The following HECW1 variants were observed in gnomAD, a reference collection of about 807,000 sequenced individuals.
HECW1 encodes HECT, C2 and WW domain containing E3 ubiquitin protein ligase 1, also known as E3 ubiquitin-protein ligase HECW1.
Under a neutral mutation model 182.3 loss-of-function variants are expected in HECW1, and 61 were observed. The observed-to-expected ratio is 0.33, with a 90% CI of 0.27 to 0.41. The LOEUF (loss-of-function observed/expected upper bound fraction) is 0.41, where lower values mean the gene tolerates loss of function less well. Among genes scored for constraint, HECW1 ranks in the 10% least tolerant of loss-of-function variants. The pLI is 1.00. For missense variants in HECW1, 1,739 were observed against 2,108.9 expected (o/e 0.82, Z 3.44); for synonymous variants, 859 against 832.6 (o/e 1.03, Z -0.55).
intron 24 of HECW1, among the ~76,000 whole-genome samples, chr7:43,521,212 A>G (rs2080457532): frequency 6.6e-6 from 1 of 152,358 alleles, no homozygotes; most frequent in African/African-American, 2.4e-5. Flanking sequence ...AGAAGTGATT[A>G]AACGATGAGG....
chr7:43,512,644 T>G (rs1260258006), intron 24 of HECW1, among the ~76,000 whole-genome samples: 3 of 152,226 alleles, frequency 2.0e-5, no homozygotes, highest in Non-Finnish European at 4.4e-5. Flanking sequence ...GGACTAGAGT[T>G]TTCCTTTAAC....
intron 3 of HECW1, among the ~76,000 whole-genome samples, chr7:43,307,871 T>C (rs1328123182): frequency 3.2e-5 from 3 of 93,632 alleles, no homozygotes; most frequent in Middle Eastern, 9.1e-3. Context: ...GTGGTAATCA[T>C]TTCACTATAT....
intron 5 of HECW1, among the ~76,000 whole-genome samples, chr7:43,355,920 C>T (rs1489339803): frequency 1.3e-5 from 2 of 151,958 alleles, no homozygotes; most frequent in African/African-American, 2.4e-5. Flanking sequence ...ACACAGGAGG[C>T]GGAGGTTGCA....
At chr7:43,426,863 T>G (rs1442900773) in intron 8 of HECW1, among the ~76,000 whole-genome samples, 2 of 152,138 alleles carry the variant, frequency 1.3e-5, no homozygotes, top group Non-Finnish European at 2.9e-5. Flanking sequence ...TGCTTTCTAT[T>G]TATTTTCAGA....
At chr7:43,443,162 G>A (rs750210507) in intron 10 of HECW1, among the ~76,000 whole-genome samples, 1 of 152,132 alleles carries the variant, frequency 6.6e-6, no homozygotes, top group Non-Finnish European at 1.5e-5. Context: ...TTCAAAATAC[G>A]AATGATAAGA....
chr7:43,271,800 A>G (rs910891385), intron 3 of HECW1, among the ~76,000 whole-genome samples: 1 of 152,174 alleles, frequency 6.6e-6, no homozygotes, highest in African/African-American at 2.4e-5. Context: ...ATACAACACT[A>G]TTCTTATCAA....
intron 2 of HECW1, among the ~76,000 whole-genome samples, chr7:43,150,317 A>T (rs1160691760): frequency 6.6e-6 from 1 of 152,154 alleles, no homozygotes; most frequent in Non-Finnish European, 1.5e-5. Flanking sequence ...TGACCAATTG[A>T]TTTCAGTTAG....
At chr7:43,329,435 T>C (rs550351750) in intron 5 of HECW1, among the ~76,000 whole-genome samples, 60 of 151,728 alleles carry the variant, frequency 4.0e-4, no homozygotes, top group African/African-American at 1.4e-3. Flanking sequence ...ACCAAGAAAC[T>C]ATGGCATAAA....
intron 3 of HECW1, among the ~76,000 whole-genome samples, chr7:43,250,150 C>T (rs1799877944): frequency 7.0e-6 from 1 of 142,466 alleles, no homozygotes; most frequent in Non-Finnish European, 1.6e-5. Context: ...CACACACATA[C>T]ACACACACAC....
chr7:43,522,876 A>G (rs2080560016), intron 24 of HECW1, among the ~76,000 whole-genome samples: 1 of 152,220 alleles, frequency 6.6e-6, no homozygotes, highest in African/African-American at 2.4e-5. Flanking sequence ...AGGGAGCTGC[A>G]GAGAATCAAA....
At chr7:43,157,476 C>T (rs1462270014) in intron 2 of HECW1, among the ~76,000 whole-genome samples, 2 of 152,164 alleles carry the variant, frequency 1.3e-5, no homozygotes, top group Admixed American at 1.3e-4. Context: ...TTGCTGTACT[C>T]ATAGAATAAT....
chr7:43,501,968 G>A (rs1162415633), intron 21 of HECW1, among the ~76,000 whole-genome samples: 1 of 152,206 alleles, frequency 6.6e-6, no homozygotes, highest in African/African-American at 2.4e-5. Flanking sequence ...CCTGTTCTAT[G>A]CTAGCTTTCA....
intron 5 of HECW1, among the ~76,000 whole-genome samples, chr7:43,330,691 A>G (rs1244749734): frequency 1.3e-5 from 2 of 152,186 alleles, no homozygotes; most frequent in Non-Finnish European, 2.9e-5. Flanking sequence ...TTGTCTAAAT[A>G]GTTCGAGGAG....
chr7:43,449,314 G>A (rs1216517387), intron 11 of HECW1, among the ~76,000 whole-genome samples: 1 of 152,200 alleles, frequency 6.6e-6, no homozygotes, highest in African/African-American at 2.4e-5. Context: ...GCCGGCATGA[G>A]GGGAACCTTC....
At chr7:43,231,773 T>G (rs538754457) in intron 2 of HECW1, among the ~76,000 whole-genome samples, 54 of 152,022 alleles carry the variant, frequency 3.6e-4, no homozygotes, top group African/African-American at 1.3e-3. Context: ...TCCCAGCACT[T>G]TGGGAGGCCA....
At chr7:43,536,038 T>A (rs1434049855) in intron 24 of HECW1, among the ~76,000 whole-genome samples, 4 of 152,132 alleles carry the variant, frequency 2.6e-5, no homozygotes, top group African/African-American at 9.7e-5. Flanking sequence ...GATTGAGGAA[T>A]CTAACCATGA....
chr7:43,445,122 G>C lies in HECW1; in HGVS notation c.1950G>C (p.Thr650=), dbSNP rs1391611177. ...ATGGCGCGGCCCAGGATGGCGACAC[G>C]CACCCCAGCACCGGGAGCGAGAGCG... ...LANGAAQDGD[T]HPSTGSESDS... The change falls in exon 11 of 30, where the codon ACG becomes ACC. Residue 650 remains threonine (T), a synonymous_variant. Coordinates refer to ENST00000395891, the MANE Select transcript of HECW1 (RefSeq NM_015052.5). 6.2e-7 allele frequency: 1 copy of C among 1,608,288 alleles called. No homozygotes were observed. The highest frequency in any genetic ancestry group is 1.1e-5 in the South Asian group (1 of 90,906).
chr7:43,382,393 G>T (rs965495880), intron 6 of HECW1, among the ~76,000 whole-genome samples: 2 of 152,204 alleles, frequency 1.3e-5, no homozygotes, highest in African/African-American at 4.8e-5. Context: ...TGCCCCACAT[G>T]GGGTAACTAC....
At chr7:43,417,495 A>G (rs1317081461) in intron 8 of HECW1, among the ~76,000 whole-genome samples, 1 of 152,020 alleles carries the variant, frequency 6.6e-6, no homozygotes, top group Non-Finnish European at 1.5e-5. Context: ...TGTCCTGCAG[A>G]TATTTTCTCT....
Sources: gnomAD v4.1 joint callset for allele counts (sites outside exome capture counted in the v4.1 genomes callset) on GRCh38, gnomAD v4.1.1 for gene constraint, MANE v1.5 for transcripts, NCBI Gene and HGNC (gene_info 2026-07-23, HGNC 2026-07-21) for gene names.